The following ANKRD12 variants were observed in gnomAD, a reference collection of about 807,000 sequenced individuals.
ANKRD12 encodes the protein ankyrin repeat domain 12, also known as ankyrin repeat domain-containing protein 12.
A neutral mutation model predicts 183.4 loss-of-function variants in ANKRD12; 85 were observed. That is an observed-to-expected ratio of 0.46 (90% CI 0.39 to 0.56). The LOEUF is 0.56. Ranked by LOEUF, ANKRD12 falls within the 20% of genes least tolerant of loss-of-function variation. ANKRD12 has a pLI of 0.00. For missense variants in ANKRD12, 2,405 were observed against 2,357.1 expected, an observed-to-expected ratio of 1.02 and a Z score of -0.42; for synonymous variants, 914 against 800.2, an observed-to-expected ratio of 1.14 and a Z score of -2.40.
intron 3 of ANKRD12, among the ~76,000 whole-genome samples, chr18:9,201,818 T>G (rs1333380195): frequency 6.8e-6 from 1 of 146,012 alleles, no homozygotes; most frequent in African/African-American, 2.4e-5. Context: ...AGTTTACTAG[T>G]TTTTTTCGCT....
At chr18:9,243,654 TA>T (rs1008601432) in intron 8 of ANKRD12, among the ~76,000 whole-genome samples, 6 of 152,206 alleles carry the variant, frequency 3.9e-5, no homozygotes, top group Non-Finnish European at 8.8e-5. Context: ...ATATGATTAC[TA>T]AAGTAAATAT....
intron 10 of ANKRD12, among the ~76,000 whole-genome samples, chr18:9,270,351 T>A (rs2039528323): frequency 6.6e-6 from 1 of 152,108 alleles, no homozygotes; most frequent in African/African-American, 2.4e-5. Context: ...TAGCAAAGAC[T>A]TAGAACCAAC....
intron 3 of ANKRD12, among the ~76,000 whole-genome samples, chr18:9,200,102 C>G (rs905975879): frequency 1.1e-4 from 16 of 152,066 alleles, no homozygotes; most frequent in African/African-American, 3.9e-4. Flanking sequence ...CTTCATTTTG[C>G]GAGATATCGT....
At chr18:9,268,900 A>C (rs560023619) in intron 10 of ANKRD12, among the ~76,000 whole-genome samples, 14 of 152,368 alleles carry the variant, frequency 9.2e-5, no homozygotes, top group African/African-American at 3.4e-4. Context: ...AATCTCCTTA[A>C]GCTGATAACC....
chr18:9,153,777 T>C (rs1271958237), intron 1 of ANKRD12, among the ~76,000 whole-genome samples: 2 of 152,202 alleles, frequency 1.3e-5, no homozygotes, highest in Non-Finnish European at 2.9e-5. Flanking sequence ...CTCTTAACTT[T>C]TAATATTTTG....
At chr18:9,235,120 T>A (rs967698487) in intron 8 of ANKRD12, among the ~76,000 whole-genome samples, 3 of 152,218 alleles carry the variant, frequency 2.0e-5, no homozygotes. Context: ...ATCTCTATAG[T>A]CTGCCATCTT....
At position 9,257,598 on chromosome 18, in the gene ANKRD12, A is replaced by G. The variant is rs1361096192; in HGVS notation, c.4331A>G (p.Gln1444Arg). Reference protein sequence around the residue: ...FICPNSNIPDQESSLQSFCNS... With the variant: ...FICPNSNIPDRESSLQSFCNS... ...TGCCCAAATTCTAACATACCTGATC[A>G]AGAATCCTCTCTTCAGAGTTTTTGT... is the stretch of plus-strand genomic sequence containing the variant. The change falls in exon 9 of 13, where the codon CAA becomes CGA. Residue 1444 changes from glutamine to arginine, a missense_variant. Physicochemically the swap from Gln to Arg is conservative, Grantham distance 43 (BLOSUM62 1). Around this residue, in one of 7 missense-constraint regions of ANKRD12, gnomAD observed 1,983 missense variants for 1,725.9 expected, o/e 1.15. Transcript: ENST00000262126. The G allele has an allele frequency of 6.2e-7, 1 of 1,614,092 alleles. No individual in the cohort carries two copies. Among genetic ancestry groups the G allele is most frequent in the East Asian group, 2.2e-5 (1 of 44,878 alleles).
chr18:9,179,252 C>CT (rs1035453615), intron 1 of ANKRD12, among the ~76,000 whole-genome samples: 3 of 151,808 alleles, frequency 2.0e-5, no homozygotes, highest in Non-Finnish European at 4.4e-5. Flanking sequence ...AGTTGTATGC[C>CT]TTTTTTTTCT....
chr18:9,250,124 C>T (rs902608942), intron 8 of ANKRD12: 11 of 152,104 alleles, frequency 7.2e-5, no homozygotes, highest in African/African-American at 2.7e-4. Flanking sequence ...GTTCTGAGTC[C>T]ATTGGTCTTT....
chr18:9,264,801 C>T (rs1236216433), intron 10 of ANKRD12, among the ~76,000 whole-genome samples: 2 of 152,188 alleles, frequency 1.3e-5, no homozygotes, highest in African/African-American at 4.8e-5. Flanking sequence ...ATATATTCAT[C>T]TGTGTACCTG....
At chr18:9,188,939 G>C (rs1018346332) in intron 2 of ANKRD12, among the ~76,000 whole-genome samples, 2 of 152,140 alleles carry the variant, frequency 1.3e-5, no homozygotes, top group African/African-American at 2.4e-5. Context: ...TGGTCTCTAA[G>C]TATTCAAGTG....
chr18:9,227,464 G>A (rs2036786393), intron 8 of ANKRD12, among the ~76,000 whole-genome samples: 1 of 152,198 alleles, frequency 6.6e-6, no homozygotes, highest in Non-Finnish European at 1.5e-5. Flanking sequence ...GGCAGGAAAT[G>A]TTTGAGCTTG....
chr18:9,203,675 G>T (rs950519722), intron 3 of ANKRD12, among the ~76,000 whole-genome samples: 3 of 152,040 alleles, frequency 2.0e-5, no homozygotes, highest in African/African-American at 7.2e-5. Flanking sequence ...CATGATCTCA[G>T]CTTACCGCAA....
intron 1 of ANKRD12, among the ~76,000 whole-genome samples, chr18:9,173,333 G>A (rs996318978): frequency 6.6e-6 from 1 of 152,028 alleles, no homozygotes; most frequent in Non-Finnish European, 1.5e-5. Flanking sequence ...GCCTCCCAAA[G>A]TCTGAGATTA....
chr18:9,231,276 A>G (rs2037029709), intron 8 of ANKRD12, among the ~76,000 whole-genome samples: 1 of 152,158 alleles, frequency 6.6e-6, no homozygotes, highest in Non-Finnish European at 1.5e-5. Context: ...TTTGGTCTGA[A>G]GTCCAGTATA....
intron 2 of ANKRD12, among the ~76,000 whole-genome samples, chr18:9,188,247 T>A (rs2034232420): frequency 6.6e-6 from 1 of 152,222 alleles, no homozygotes; most frequent in African/African-American, 2.4e-5. Context: ...TGCAGTGGGT[T>A]GTATTACAGG....
At chr18:9,279,511 A>G (rs767413735) in intron 11 of ANKRD12, 38 bp from the exon 12 acceptor site, 1 of 1,223,756 alleles carries the variant, frequency 8.2e-7, no homozygotes, top group South Asian at 1.3e-5. Flanking sequence ...TTTTAAAGTG[A>G]TTTATTGTAT....
intron 3 of ANKRD12, among the ~76,000 whole-genome samples, chr18:9,202,324 C>T (rs539152358): frequency 4.6e-5 from 7 of 152,204 alleles, no homozygotes; most frequent in Admixed American, 3.9e-4. Context: ...GTGACTCAGT[C>T]AAATTTGAGG....
intron 8 of ANKRD12, among the ~76,000 whole-genome samples, chr18:9,240,415 C>G (rs10502391): frequency 6.6e-6 from 1 of 151,964 alleles, no homozygotes; most frequent in Non-Finnish European, 1.5e-5. Context: ...TGCTACGGTG[C>G]GAGAACTCAG....
Sources: gnomAD v4.1 joint callset for allele counts (sites outside exome capture counted in the v4.1 genomes callset) on GRCh38, gnomAD v4.1.1 for gene constraint, gnomAD v4.1.1 regional missense constraint, MANE v1.5 for transcripts, NCBI Gene and HGNC (gene_info 2026-07-23, HGNC 2026-07-21) for gene names.